NEBL: variants seen among roughly 807,000 people sequenced by gnomAD.
NEBL encodes nebulette, also known as LIM and SH3 protein 2.
In NEBL, 122 loss-of-function variants were observed where a neutral mutation model predicts 140.2. That is an observed-to-expected ratio of 0.87 (90% CI 0.75 to 1.01). The LOEUF (loss-of-function observed/expected upper bound fraction) is 1.01, where lower values mean the gene tolerates loss of function less well. Among genes scored for constraint, NEBL ranks in the 50% least tolerant of loss-of-function variants. The probability of loss-of-function intolerance (pLI) is 0.00; values close to 1 mark genes in which losing one functional copy is unlikely to be tolerated. For missense variants in NEBL, 1,365 were observed against 1,231.3 expected, an observed-to-expected ratio of 1.11 and a Z score of -1.62; for synonymous variants, 436 against 398.9, an observed-to-expected ratio of 1.09 and a Z score of -1.11.
intron 4 of NEBL, among the ~76,000 whole-genome samples, chr10:20,903,825 T>C (rs1211670792): frequency 6.7e-6 from 1 of 149,890 alleles, no homozygotes; most frequent in Non-Finnish European, 1.5e-5. Flanking sequence ...GCTACTGGTA[T>C]GCAAAGGCAC....
intron 2 of NEBL, among the ~76,000 whole-genome samples, chr10:21,073,617 CAAAAAA>C (rs10594967): frequency 1.3e-5 from 1 of 76,432 alleles, no homozygotes. Context: ...ACTCTGTCGT[CAAAAAA>C]AAAAAAAAAA....
chr10:21,230,111 T>C lies in NEBL; in HGVS notation n.348+17810A>G, dbSNP rs567873805. 9.2e-5 allele frequency among the ~76,000 whole-genome samples: 14 copies of C among 152,318 alleles called. No homozygotes were observed. In the East Asian group the frequency reaches 1.9e-3, roughly 21 times the overall value. ...GCAAACATTCCATTTCATTTTTAAA[T>C]TGGAATTTTGACAGCCCATAAAAAT... On this transcript the variant is annotated intron_variant and non_coding_transcript_variant, in intron 3 of 8. Transcript: ENST00000675702.
At chr10:21,135,586 G>T (rs958672444) in intron 2 of NEBL, among the ~76,000 whole-genome samples, 1 of 152,162 alleles carries the variant, frequency 6.6e-6, no homozygotes, top group Admixed American at 6.5e-5. Flanking sequence ...ACTGAAAAGC[G>T]CTTTTCTGCT....
intron 2 of NEBL, among the ~76,000 whole-genome samples, chr10:21,078,153 G>C (rs1315234158): frequency 6.6e-6 from 1 of 152,156 alleles, no homozygotes; most frequent in Admixed American, 6.6e-5. Context: ...ATCAAAGCTG[G>C]AAGCTTACCT....
chr10:21,200,308 C>CTT (rs10671099), intron 3 of NEBL, among the ~76,000 whole-genome samples: 14,841 of 81,820 alleles, frequency 0.18, 2,845 homozygotes, highest in African/African-American at 0.3. Flanking sequence ...TTCCAAGGGA[C>CTT]TTTTTTTTTT....
intron 2 of NEBL, among the ~76,000 whole-genome samples, chr10:21,061,721 G>A (rs1390846788): frequency 6.6e-6 from 1 of 152,062 alleles, no homozygotes; most frequent in South Asian, 2.1e-4. Context: ...TTTAAATGAT[G>A]TTTTTATCCC....
At chr10:20,897,916 T>A (rs1375242746), upstream of NEBL, among the ~76,000 whole-genome samples, 1 of 152,206 alleles carries the variant, frequency 6.6e-6, no homozygotes, top group Non-Finnish European at 1.5e-5. Context: ...GTATTAATTG[T>A]AAACATCATT....
chr10:21,057,243 G>A (rs1411173463), intron 2 of NEBL, among the ~76,000 whole-genome samples: 1 of 152,050 alleles, frequency 6.6e-6, no homozygotes, highest in Non-Finnish European at 1.5e-5. Flanking sequence ...CTGGTTGGGA[G>A]AACAGTCTCC....
chr10:20,806,219 G>C (rs1314898346), intron 26 of NEBL, among the ~76,000 whole-genome samples: 2 of 152,134 alleles, frequency 1.3e-5, no homozygotes, highest in Non-Finnish European at 2.9e-5. Flanking sequence ...ACGTGGGCAT[G>C]GTCTGCTGCT....
intron 2 of NEBL, chr10:21,030,188 G>A: frequency 2.0e-6 from 1 of 494,662 alleles, no homozygotes; most frequent in Non-Finnish European, 3.9e-6. Context: ...GCTGGATGAG[G>A]CAAAACTAGA....
chr10:20,826,433 T>C lies in NEBL; in HGVS notation c.1869+14A>G. The C allele has an allele frequency of 1.3e-6, 2 of 1,585,480 alleles. No homozygotes were observed. The highest frequency in any genetic ancestry group is 2.7e-5 in the African/African-American group (2 of 74,394). ...TGCTTTTAGAAAAGATAATTAATGCTGTAGAGAACTTACTGAACTAATATT... is the reference window on the plus strand; with the variant it reads ...TGCTTTTAGAAAAGATAATTAATGCCGTAGAGAACTTACTGAACTAATATT... On this transcript the variant is annotated intron_variant, in intron 18 of 27. Coordinates refer to ENST00000377122, the MANE Select transcript of NEBL (RefSeq NM_006393.3).
intron 2 of NEBL, among the ~76,000 whole-genome samples, chr10:21,069,539 T>C (rs886668131): frequency 1.3e-5 from 2 of 152,192 alleles, no homozygotes; most frequent in Admixed American, 1.3e-4. Context: ...TGAATCCCAG[T>C]TTTCTCAATG....
At chr10:21,202,516 T>C (rs1253304379) in intron 3 of NEBL, among the ~76,000 whole-genome samples, 2 of 143,822 alleles carry the variant, frequency 1.4e-5, no homozygotes, top group African/African-American at 5.3e-5. Context: ...CAGGCTGGAG[T>C]GCAGTGGCGT....
chr10:21,105,348 C>A (rs910582443), intron 2 of NEBL, among the ~76,000 whole-genome samples: 5 of 152,102 alleles, frequency 3.3e-5, no homozygotes, highest in South Asian at 2.1e-4. Context: ...TCCCCTACCC[C>A]CCGACAGGCC....
At chr10:20,848,048 A>T (rs1277211216) in intron 11 of NEBL, among the ~76,000 whole-genome samples, 1 of 152,184 alleles carries the variant, frequency 6.6e-6, no homozygotes, top group African/African-American at 2.4e-5. Context: ...ACTAAGCAAA[A>T]GCACTATGAT....
At chr10:21,077,906 G>A (rs2131925515) in intron 2 of NEBL, among the ~76,000 whole-genome samples, 1 of 152,214 alleles carries the variant, frequency 6.6e-6, no homozygotes, top group East Asian at 1.9e-4. Context: ...ATGACCACGA[G>A]AAAGTACTTT....
intron 5 of NEBL, 74 bp downstream of exon 5, chr10:20,880,720 A>G: frequency 9.0e-7 from 1 of 1,116,424 alleles, no homozygotes; most frequent in Non-Finnish European, 1.4e-6. Flanking sequence ...TTTAAATTTC[A>G]GCAAAATAAA....
At chr10:20,973,818 C>G (rs750404394) in intron 3 of NEBL, among the ~76,000 whole-genome samples, 1 of 152,186 alleles carries the variant, frequency 6.6e-6, no homozygotes, top group Non-Finnish European at 1.5e-5. Context: ...TCTAAGACAT[C>G]AAACTTTAGA....
chr10:20,991,645 C>T (rs80191733), intron 3 of NEBL, among the ~76,000 whole-genome samples: 2,362 of 150,014 alleles, frequency 0.016, 29 homozygotes, highest in Middle Eastern at 0.056. Flanking sequence ...TCAGGGGTAC[C>T]GGTGCAGTTT....
Sources: allele counts gnomAD v4.1 joint callset (sites outside exome capture counted in the v4.1 genomes callset), GRCh38; gene constraint gnomAD v4.1.1; transcripts MANE v1.5; gene names NCBI Gene and HGNC (gene_info 2026-07-23, HGNC 2026-07-21).